MYPOP: variants seen among roughly 807,000 people sequenced by gnomAD.
MYPOP encodes the protein myb-related transcription factor, partner of profilin.
In MYPOP, 21 loss-of-function variants were observed where a neutral mutation model predicts 25.7. The ratio of observed to expected loss-of-function variants is 0.82; its 90% CI spans 0.58 to 1.18. The LOEUF (loss-of-function observed/expected upper bound fraction) is 1.18. Ranked by LOEUF, MYPOP falls within the 50% of genes most tolerant of loss-of-function variation. The pLI, the probability that MYPOP is intolerant of heterozygous loss-of-function variation, is 0.00. For synonymous variants in MYPOP, 280 were observed against 247.9 expected, an observed-to-expected ratio of 1.13 and a Z score of -1.22; for missense variants, 566 against 588.3, an observed-to-expected ratio of 0.96 and a Z score of 0.39.
intron 2 of MYPOP, among the ~76,000 whole-genome samples, chr19:45,898,044 C>T (rs1163403053): frequency 1.3e-5 from 2 of 151,984 alleles, no homozygotes; most frequent in Non-Finnish European, 2.9e-5. Context: ...CAGCCTCAGC[C>T]TCCTGAGTAC....
chr19:45,890,720 G>GC lies in MYPOP; in HGVS notation c.1102_1103insG (p.Pro368ArgfsTer82). The GC allele has an allele frequency of 6.4e-7, 1 of 1,571,182 alleles. No individual in the cohort carries two copies. The highest frequency in any genetic ancestry group is 8.7e-7 in the Non-Finnish European group (1 of 1,153,730). ...GTGCGGAGGGAGCGGGGCTGGGGGG[G>GC]GCCGGGGTGCCCCCTCCTCGCTCCT... On this transcript the variant is annotated frameshift_variant, in exon 3 of 3. Coordinates refer to ENST00000322217, the MANE Select transcript of MYPOP (RefSeq NM_001012643.4). LOFTEE classifies it high-confidence loss of function.
rs1007848014 is a variant in MYPOP at position 45,901,784 on chromosome 19, G to A, written c.-11C>T. On this transcript the variant is annotated 5_prime_UTR_variant, in exon 2 of 3. Coordinates refer to ENST00000322217, the MANE Select transcript of MYPOP (RefSeq NM_001012643.4). This position sits in a 1 kb window ranked among gnomAD's most constrained non-coding sequence, Gnocchi z 5.7. Reference sequence around the variant, plus strand: ...CGCCGCCGAGGCCATGGCGCCCCCCGACGCCGCCGTCCTGCCGTCTGGCGC... The same window carrying A: ...CGCCGCCGAGGCCATGGCGCCCCCCAACGCCGCCGTCCTGCCGTCTGGCGC... The A allele has an allele frequency of 4.2e-6, 6 of 1,424,344 alleles. No homozygotes were observed. The African/African-American group carries it at 4.5e-5, about 11-fold the overall frequency. 88.2% of individuals were successfully genotyped at this position (1,424,344 alleles called of 1,614,324 possible). A position where few individuals can be genotyped will look rare whatever the true frequency, so the allele number is the denominator to read the frequency against.
intron 2 of MYPOP, among the ~76,000 whole-genome samples, chr19:45,900,338 C>G (rs1362568117): frequency 1.3e-5 from 2 of 152,196 alleles, no homozygotes; most frequent in African/African-American, 4.8e-5. Context: ...TTCTTGCCTC[C>G]AAGCCATTGT....
intron 2 of MYPOP, 87 bp from the exon 3 acceptor site, chr19:45,891,410 C>A (rs1019183288): frequency 3.6e-6 from 5 of 1,380,766 alleles, no homozygotes; most frequent in Non-Finnish European, 3.8e-6. Flanking sequence ...TCACCTCCCC[C>A]CTACCCGAAC....
At chr19:45,899,993 T>TG (rs1967264010) in intron 2 of MYPOP, among the ~76,000 whole-genome samples, 1 of 152,246 alleles carries the variant, frequency 6.6e-6, no homozygotes. Context: ...TTAAGTGCCA[T>TG]GGACTGGGGG....
chr19:45,893,059 A>C (rs1967147964), intron 2 of MYPOP, among the ~76,000 whole-genome samples: 1 of 150,632 alleles, frequency 6.6e-6, no homozygotes, highest in Admixed American at 6.6e-5. Flanking sequence ...GGATCACCTG[A>C]GGTCAGGACT....
At position 45,901,453 on chromosome 19, in the gene MYPOP, G is replaced by A; in HGVS notation, c.321C>T (p.Asp107=). Residue 107 remains aspartate (D), a synonymous_variant, in exon 2 of 3, where the codon GAC becomes GAT. Transcript: ENST00000322217. This position sits in a 1 kb window ranked among gnomAD's most constrained non-coding sequence, Gnocchi z 5.7. ...STQGAGPAAE[D]AFSAEEETIF... ...TGGTCTCCTCTTCCGCGGAGAAAGC[G>A]TCCTCCGCGGCGGGCCCGGCGCCCT... 2 of 1,595,900 alleles carry A rather than the reference G, an allele frequency of 1.3e-6. No individual in the cohort carries two copies. Among genetic ancestry groups the A allele is most frequent in the East Asian group, 2.3e-5 (1 of 43,890 alleles).
chr19:45,900,863 AG>A (rs1233074186), intron 2 of MYPOP, among the ~76,000 whole-genome samples: 1 of 152,202 alleles, frequency 6.6e-6, no homozygotes, highest in East Asian at 1.9e-4. Flanking sequence ...TAATCTTCAC[AG>A]CAACGCTTTG....
In MYPOP at chr19:45,890,829, C is replaced by A; in HGVS notation, c.994G>T (p.Glu332Ter). 7.0e-7 allele frequency: 1 copy of A among 1,436,846 alleles called. No homozygotes were observed. Among genetic ancestry groups the A allele is most frequent in the Non-Finnish European group, 9.2e-7 (1 of 1,092,508 alleles). 89.0% of individuals were successfully genotyped at this position (1,436,846 alleles called of 1,614,324 possible). Residue 332 changes from glutamate (E) to a stop codon, truncating the protein, a stop_gained, in exon 3 of 3, where the codon GAG (glutamate) becomes TAG (stop). Coordinates refer to ENST00000322217, the MANE Select transcript of MYPOP (RefSeq NM_001012643.4). LOFTEE classifies it high-confidence loss of function. ...ACGGACACGGGCTCTGGGGTGATCT[C>A]CACCTTGGGGGCCGGTGGGGGCAGG... ...PVLPPPAPKV[E>*]ITPEPVSVVA...
Position 45,890,631 on chromosome 19 carries a change from A to T in MYPOP, c.1192T>A (p.Ser398Thr). Residue 398 changes from serine to threonine, a missense_variant, in exon 3 of 3, where the codon TCT (serine) becomes ACT (threonine). By Grantham distance (58) the Ser-to-Thr change is moderately conservative. Transcript: ENST00000322217. ...PTRKRRGRWK[S>T]P The stretch of plus-strand genomic sequence containing the variant: ...ATCATAGATAGTAGATTTCACGGAG[A>T]TTTCCATCGGCCGCGCCTTTTCCGT... The T allele has an allele frequency of 6.3e-7, 1 of 1,581,944 alleles. No individual in the cohort carries two copies. The highest frequency in any genetic ancestry group is 8.6e-7 in the Non-Finnish European group (1 of 1,165,932).
At chr19:45,899,739 C>T (rs1300681836) in intron 2 of MYPOP, among the ~76,000 whole-genome samples, 1 of 151,972 alleles carries the variant, frequency 6.6e-6, no homozygotes, top group Non-Finnish European at 1.5e-5. Flanking sequence ...ACTCAGGAGG[C>T]TGAGGCAGGA....
intron 2 of MYPOP, among the ~76,000 whole-genome samples, chr19:45,900,918 G>A (rs1284635768): frequency 6.6e-6 from 1 of 152,160 alleles, no homozygotes; most frequent in Non-Finnish European, 1.5e-5. Flanking sequence ...TGCAGCAACT[G>A]AAGTACAGTA....
rs1193290068 is a variant in MYPOP at position 45,890,769 on chromosome 19, C to A, written c.1054G>T (p.Ala352Ser). ...CTTGGGGCAATGATCACTCCCCTGG[C>A]TGCCACCACTGCCCCGTCCACCACA... ...AAVVDGAVVA[A>S]RGVIIAPRSE... Residue 352 changes from alanine (A) to serine (S), a missense_variant, in exon 3 of 3, where the codon GCC becomes TCC. By Grantham distance (99) the Ala-to-Ser change is moderately conservative (BLOSUM62 1). Coordinates refer to ENST00000322217, the MANE Select transcript of MYPOP (RefSeq NM_001012643.4). 2 of 1,527,658 alleles carry A rather than the reference C, an allele frequency of 1.3e-6. No individual in the cohort carries two copies. The highest frequency in any genetic ancestry group is 2.0e-5 in the Admixed American group (1 of 49,280). The allele number at this position is 1,527,658 out of a possible 1,614,324, so 94.6% of individuals were successfully genotyped here.
rs771797600 is a variant in MYPOP, at chr19:45,901,588, C to T, written c.186G>A (p.Lys62=). ...RRRVWDGIAA[K]INGITSWKRT... is the part of the protein sequence containing the mutation. ...GCTTCCAGCTGGTGATACCGTTGAT[C>T]TTGGCGGCGATGCCGTCCCACACGC... Residue 62 remains lysine (K), a synonymous_variant, in exon 2 of 3, where the codon AAG becomes AAA. Transcript: ENST00000322217. This position sits in a 1 kb window ranked among gnomAD's most constrained non-coding sequence, Gnocchi z 5.7. 1 of 1,611,806 alleles carries T rather than the reference C, an allele frequency of 6.2e-7. No individual in the cohort carries two copies. The highest frequency in any genetic ancestry group is 2.2e-5 in the East Asian group (1 of 44,858).
At position 45,901,446 on chromosome 19, in the gene MYPOP, AG is replaced by A. The variant is rs760611047; in HGVS notation, c.327del (p.Ser110ProfsTer178). 6.3e-7 allele frequency: 1 copy of A among 1,594,086 alleles called. No individual in the cohort carries two copies. On this transcript the variant is annotated frameshift_variant, in exon 2 of 3. Coordinates refer to ENST00000322217, the MANE Select transcript of MYPOP (RefSeq NM_001012643.4). LOFTEE classifies it high-confidence loss of function. The surrounding 1 kb of genome is among the most constrained non-coding windows in gnomAD (Gnocchi z 5.7). Reference protein sequence around the residue: ...QGAGPAAEDAFSAEEETIFAI... With the variant: ...QGAGPAAEDAXSAEEETIFAI... ...GCAAAAATGGTCTCCTCTTCCGCGGAGAAAGCGTCCTCCGCGGCGGGCCCGG... is the reference window on the plus strand; with the variant it reads ...GCAAAAATGGTCTCCTCTTCCGCGGAAAAGCGTCCTCCGCGGCGGGCCCGG...
chr19:45,892,365 C>G (rs946899192), intron 2 of MYPOP, among the ~76,000 whole-genome samples: 18 of 152,138 alleles, frequency 1.2e-4, no homozygotes, highest in African/African-American at 3.6e-4. Flanking sequence ...CCAACCAGGA[C>G]AGCAGGATTT....
At chr19:45,896,846 C>G (rs999467801) in intron 2 of MYPOP, among the ~76,000 whole-genome samples, 1 of 151,712 alleles carries the variant, frequency 6.6e-6, no homozygotes, top group African/African-American at 2.4e-5. Context: ...AGGATGGTCT[C>G]GATCTCCTGA....
intron 2 of MYPOP, among the ~76,000 whole-genome samples, chr19:45,895,628 G>A (rs1193819306): frequency 1.3e-5 from 2 of 151,802 alleles, no homozygotes; most frequent in African/African-American, 4.9e-5. Context: ...CTGTTTACCC[G>A]GCGCCTAGAA....
Position 45,901,708 on chromosome 19 carries a change from G to A in MYPOP, c.66C>T (p.Phe22=), listed in dbSNP as rs768301061. The part of the protein sequence containing the change: ...TTRLRKPRFS[F]EENQILIREV... The stretch of plus-strand genomic sequence containing the variant: ...CGCGGATCAGGATCTGGTTCTCTTC[G>A]AATGAGAAGCGCGGCTTGCGCAACC... Residue 22 remains phenylalanine (F), a synonymous_variant, in exon 2 of 3, where the codon TTC becomes TTT. Coordinates refer to ENST00000322217, the MANE Select transcript of MYPOP (RefSeq NM_001012643.4). This position sits in a 1 kb window ranked among gnomAD's most constrained non-coding sequence, Gnocchi z 5.7. The A allele has an allele frequency of 6.3e-7, 1 of 1,586,946 alleles. No homozygotes were observed. The highest frequency in any genetic ancestry group is 8.6e-7 in the Non-Finnish European group (1 of 1,169,406).
Sources: allele counts gnomAD v4.1 joint callset (sites outside exome capture counted in the v4.1 genomes callset), GRCh38; gene constraint gnomAD v4.1.1; non-coding constraint Gnocchi (gnomAD v3.1); transcripts MANE v1.5; gene names NCBI Gene and HGNC (gene_info 2026-07-23, HGNC 2026-07-21).